The following DPP10 variants were observed in gnomAD, a reference collection of about 807,000 sequenced individuals.
DPP10 encodes the protein dipeptidyl peptidase like 10.
A neutral mutation model predicts 120.9 loss-of-function variants in DPP10; 33 were observed. The ratio of observed to expected loss-of-function variants is 0.27; its 90% CI spans 0.21 to 0.37. The LOEUF is 0.37. Among genes scored for constraint, DPP10 ranks in the 10% least tolerant of loss-of-function variants. DPP10 has a pLI of 1.00. For missense variants in DPP10, 816 were observed against 942.8 expected (o/e 0.87, Z 1.76); for synonymous variants, 337 against 326.1 (o/e 1.03, Z -0.36).
At chr2:115,573,573 C>A (rs949700310) in intron 5 of DPP10, among the ~76,000 whole-genome samples, 5 of 143,476 alleles carry the variant, frequency 3.5e-5, no homozygotes, top group African/African-American at 1.3e-4. Context: ...TGAGCCACTG[C>A]GCCCGGCCTT....
At chr2:115,711,727 T>A (rs1460212643) in intron 7 of DPP10, among the ~76,000 whole-genome samples, 1 of 152,132 alleles carries the variant, frequency 6.6e-6, no homozygotes, top group Non-Finnish European at 1.5e-5. Context: ...TTGTTCTTAC[T>A]GCTAGACTTT....
At chr2:115,458,687 C>G (rs1163168541) in intron 3 of DPP10, among the ~76,000 whole-genome samples, 1 of 151,910 alleles carries the variant, frequency 6.6e-6, no homozygotes, top group Non-Finnish European at 1.5e-5. Context: ...AATATTGAGA[C>G]TTTTGGAATG....
chr2:115,376,336 T>G (rs779078977), intron 3 of DPP10, among the ~76,000 whole-genome samples: 1 of 152,148 alleles, frequency 6.6e-6, no homozygotes, highest in Admixed American at 6.5e-5. Context: ...ATTTTGAGTT[T>G]TGCCCTTCAT....
chr2:115,692,083 A>G (rs1236910051), intron 7 of DPP10, among the ~76,000 whole-genome samples: 2 of 151,960 alleles, frequency 1.3e-5, no homozygotes, highest in Non-Finnish European at 1.5e-5. Flanking sequence ...TATAATTTCT[A>G]TGTCGTTAAA....
chr2:115,780,781 C>A, intron 15 of DPP10, 93 bp from the exon 16 acceptor site: 1 of 1,234,360 alleles, frequency 8.1e-7, no homozygotes, highest in African/African-American at 1.5e-5. Context: ...CGATGTAACT[C>A]CCTTGTTTAT....
chr2:115,381,195 A>T (rs925064715), intron 3 of DPP10, among the ~76,000 whole-genome samples: 5 of 152,088 alleles, frequency 3.3e-5, no homozygotes, highest in Admixed American at 6.5e-5. Flanking sequence ...TACACCAATC[A>T]GTCGTAGATT....
chr2:115,670,307 A>T (rs1282217260), intron 5 of DPP10, among the ~76,000 whole-genome samples: 2 of 152,128 alleles, frequency 1.3e-5, no homozygotes, highest in African/African-American at 4.8e-5. Context: ...AAGTGGCCAA[A>T]AAAACAAAAA....
At chr2:114,679,841 T>A (rs1698907871) in intron 1 of DPP10, among the ~76,000 whole-genome samples, 1 of 152,028 alleles carries the variant, frequency 6.6e-6, no homozygotes, top group African/African-American at 2.4e-5. Context: ...GGCAAACTTC[T>A]ACTACAGTAC....
At chr2:115,695,370 A>T (rs1249759437) in intron 7 of DPP10, among the ~76,000 whole-genome samples, 2 of 152,174 alleles carry the variant, frequency 1.3e-5, no homozygotes, top group Admixed American at 6.5e-5. Flanking sequence ...TAATAAAGAC[A>T]TGCCTGAGAC....
intron 3 of DPP10, among the ~76,000 whole-genome samples, chr2:115,391,430 A>T (rs1305577143): frequency 6.6e-6 from 1 of 152,154 alleles, no homozygotes; most frequent in Non-Finnish European, 1.5e-5. Context: ...CACTGAGTAA[A>T]TACCAGATGT....
At chr2:114,563,646 A>T (rs899747518) in intron 1 of DPP10, among the ~76,000 whole-genome samples, 1 of 152,206 alleles carries the variant, frequency 6.6e-6, no homozygotes, top group East Asian at 1.9e-4. Context: ...AATGATTAAG[A>T]TGAACAAACC....
chr2:114,595,545 A>G (rs1691836662), intron 1 of DPP10, among the ~76,000 whole-genome samples: 1 of 152,036 alleles, frequency 6.6e-6, no homozygotes, highest in Non-Finnish European at 1.5e-5. Context: ...TGTCTGATCA[A>G]TTTTCCTTAT....
chr2:114,698,085 T>G (rs996711807), intron 1 of DPP10, among the ~76,000 whole-genome samples: 1 of 152,126 alleles, frequency 6.6e-6, no homozygotes, highest in Non-Finnish European at 1.5e-5. Context: ...CATGTTTTAG[T>G]GTACAGATAG....
intron 1 of DPP10, among the ~76,000 whole-genome samples, chr2:114,487,987 G>A (rs1467284175): frequency 6.6e-6 from 1 of 152,184 alleles, no homozygotes; most frequent in Non-Finnish European, 1.5e-5. Flanking sequence ...CAGTGGAGGT[G>A]ATTGAACAGG....
rs146088172 is a variant in DPP10, at chr2:115,642,225, C to T, written c.442-47462C>T. Among the ~76,000 whole-genome samples, 853 of 151,688 alleles carry T rather than the reference C, an allele frequency of 5.6e-3. 9 individuals carry two copies. Among genetic ancestry groups the T allele is most frequent in the African/African-American group, 0.02 (819 of 41,372 alleles). On this transcript the variant is annotated intron_variant, in intron 5 of 25. Coordinates refer to ENST00000410059, the MANE Select transcript of DPP10 (RefSeq NM_020868.6). Reference sequence around the variant, plus strand: ...CTTAAAACACCGAGATGGTTAATTCCGTGTGTCAGTTTTGCTAGCTACAGT... The same window carrying T: ...CTTAAAACACCGAGATGGTTAATTCTGTGTGTCAGTTTTGCTAGCTACAGT...
chr2:114,947,807 T>G (rs889746119), intron 1 of DPP10, among the ~76,000 whole-genome samples: 1 of 152,058 alleles, frequency 6.6e-6, no homozygotes, highest in African/African-American at 2.4e-5. Context: ...TTCCTGGACA[T>G]GTACTTCTTG....
At chr2:115,582,712 G>A (rs554329286) in intron 5 of DPP10, among the ~76,000 whole-genome samples, 27 of 152,162 alleles carry the variant, frequency 1.8e-4, no homozygotes, top group Admixed American at 4.6e-4. Context: ...AGCAACAGCC[G>A]TATGTAACTT....
chr2:115,229,809 A>C (rs1176218261), intron 1 of DPP10, among the ~76,000 whole-genome samples: 17 of 149,808 alleles, frequency 1.1e-4, no homozygotes, highest in Non-Finnish European at 8.9e-5. Flanking sequence ...ATAGCTCTGA[A>C]GTATAATTTG....
chr2:115,043,608 G>C (rs546131480), intron 1 of DPP10, among the ~76,000 whole-genome samples: 36 of 152,278 alleles, frequency 2.4e-4, no homozygotes, highest in African/African-American at 8.7e-4. Context: ...AATTAACTGC[G>C]TTCTAGATTT....
Sources: allele counts gnomAD v4.1 joint callset (sites outside exome capture counted in the v4.1 genomes callset), GRCh38; gene constraint gnomAD v4.1.1; transcripts MANE v1.5; gene names NCBI Gene and HGNC (gene_info 2026-07-23, HGNC 2026-07-21).